ANXA8: variants seen among roughly 807,000 people sequenced by gnomAD.
ANXA8 encodes annexin A8.
A neutral mutation model predicts 26.8 loss-of-function variants in ANXA8; 9 were observed. The ratio of observed to expected loss-of-function variants is 0.34; its 90% CI spans 0.20 to 0.59. ANXA8 has a LOEUF of 0.59. ANXA8 is among the 20% of genes least tolerant of loss of function. The pLI is 0.84. For missense variants in ANXA8, 83 were observed against 238.5 expected, an observed-to-expected ratio of 0.35 and a Z score of 4.29; for synonymous variants, 39 against 94.8, an observed-to-expected ratio of 0.41 and a Z score of 3.42.
chr10:47,920,627 G>A, the ANXA8 span: 5 of 126,774 alleles, frequency 3.9e-5, no homozygotes, highest in Non-Finnish European at 6.7e-5. Flanking sequence ...ATATGGCCAT[G>A]ATATGAGACT....
chr10:47,521,264 T>G, the ANXA8 span, among the ~76,000 whole-genome samples: 120 of 136,676 alleles, frequency 8.8e-4, 9 homozygotes, highest in African/African-American at 3.0e-3. Flanking sequence ...TACTAACTGG[T>G]GTGTAACATC....
the ANXA8 span, among the ~76,000 whole-genome samples, chr10:47,745,040 TGGGCGG>T: frequency 3.3e-5 from 5 of 151,806 alleles, no homozygotes; most frequent in African/African-American, 1.2e-4. Context: ...CTCCAGGCAT[TGGGCGG>T]GTAGCAGTGT....
chr10:47,737,079 A>G, the ANXA8 span, among the ~76,000 whole-genome samples: 3 of 147,472 alleles, frequency 2.0e-5, no homozygotes, highest in Non-Finnish European at 4.5e-5. Context: ...CTTTTATTAA[A>G]TTAGTATGTT....
At chr10:47,559,531 G>A in the ANXA8 span, among the ~76,000 whole-genome samples, 2 of 151,862 alleles carry the variant, frequency 1.3e-5, no homozygotes, top group Non-Finnish European at 2.9e-5. Context: ...AGAGAAGGAA[G>A]AGTAACTGGC....
the ANXA8 span, among the ~76,000 whole-genome samples, chr10:47,652,328 T>C: frequency 1.4e-4 from 21 of 151,850 alleles, no homozygotes; most frequent in African/African-American, 4.4e-4. Flanking sequence ...CCGAGTGCAG[T>C]GGCTGAAGCC....
At chr10:47,617,726 A>G in the ANXA8 span, among the ~76,000 whole-genome samples, 1 of 148,794 alleles carries the variant, frequency 6.7e-6, no homozygotes, top group Non-Finnish European at 1.5e-5. Flanking sequence ...TTATAAAATT[A>G]ATAACTTTGC....
chr10:47,929,254 G>A, the ANXA8 span, among the ~76,000 whole-genome samples: 3 of 78,578 alleles, frequency 3.8e-5, no homozygotes, highest in African/African-American at 1.8e-4. Context: ...ATGGTCGTCA[G>A]CTGTATTGGG....
the ANXA8 span, among the ~76,000 whole-genome samples, chr10:47,656,586 ACC>A: frequency 7.3e-6 from 1 of 137,828 alleles, no homozygotes; most frequent in Admixed American, 7.7e-5. Flanking sequence ...TTCACAATGA[ACC>A]TCAACTTAGA....
At chr10:47,952,028 T>C in the ANXA8 span, among the ~76,000 whole-genome samples, 1 of 150,468 alleles carries the variant, frequency 6.6e-6, no homozygotes, top group Non-Finnish European at 1.5e-5. Flanking sequence ...ATAGATGTTA[T>C]AAAAGCATTT....
chr10:47,585,530 A>G, the ANXA8 span, among the ~76,000 whole-genome samples: 1 of 143,552 alleles, frequency 7.0e-6, no homozygotes, highest in Admixed American at 6.9e-5. Flanking sequence ...CCATACCTGC[A>G]GGTCTGATTT....
At chr10:47,502,777 C>T in the ANXA8 span, 1 of 1,571,336 alleles carries the variant, frequency 6.4e-7, no homozygotes. Context: ...GCTTTTACTG[C>T]TCTTGCATGA....
the ANXA8 span, among the ~76,000 whole-genome samples, chr10:47,951,186 AC>A: frequency 6.7e-6 from 1 of 149,964 alleles, no homozygotes; most frequent in Non-Finnish European, 1.5e-5. Flanking sequence ...AAATTTGACA[AC>A]CCAGAGGAAA....
chr10:47,574,012 G>A, the ANXA8 span, among the ~76,000 whole-genome samples: 4 of 130,682 alleles, frequency 3.1e-5, no homozygotes, highest in Middle Eastern at 4.1e-3. Context: ...TGATTCCGTC[G>A]ACTAAAAAGT....
the ANXA8 span, among the ~76,000 whole-genome samples, chr10:47,732,983 T>G: frequency 6.7e-6 from 1 of 149,032 alleles, no homozygotes; most frequent in African/African-American, 2.5e-5. Flanking sequence ...GTAGGATGGG[T>G]TTGTTAGTCA....
rs3006274 is a variant in ANXA8, at chr10:47,483,202, C to T, written c.21+711G>A. On this transcript the variant is annotated intron_variant, in intron 1 of 11. Coordinates refer to ENST00000585281, the MANE Select transcript of ANXA8 (RefSeq NM_001040084.3). ...CGGGTTCCTCCAGGCTCTAGCAGGCCAGGTCCTCCTGCTTCCCCTCTTCCC... is the reference window on the plus strand; with the variant it reads ...CGGGTTCCTCCAGGCTCTAGCAGGCTAGGTCCTCCTGCTTCCCCTCTTCCC... Among the ~76,000 whole-genome samples the T allele has an allele frequency of 5.3e-5, 8 of 150,946 alleles. No individual in the cohort carries two copies. In the South Asian group the frequency reaches 6.3e-4, roughly 12 times the overall value.
At chr10:47,563,815 C>T in the ANXA8 span, 1 of 642,570 alleles carries the variant, frequency 1.6e-6, no homozygotes, top group Non-Finnish European at 2.8e-6. Flanking sequence ...CTCTTTAAGA[C>T]CTGCATCATT....
the ANXA8 span, among the ~76,000 whole-genome samples, chr10:47,592,310 T>C: frequency 6.6e-6 from 1 of 151,682 alleles, no homozygotes; most frequent in East Asian, 1.9e-4. Flanking sequence ...TGTTGTGCTG[T>C]GCAGCTGCAG....
chr10:47,617,798 G>A, the ANXA8 span, among the ~76,000 whole-genome samples: 5 of 144,898 alleles, frequency 3.5e-5, no homozygotes, highest in Admixed American at 3.4e-4. Context: ...TTTTGATACA[G>A]TGAAATTATC....
At chr10:47,597,423 C>T in the ANXA8 span, among the ~76,000 whole-genome samples, 2 of 147,198 alleles carry the variant, frequency 1.4e-5, no homozygotes. Context: ...CAGACAAAAG[C>T]AAGAAACAAA....
Sources: allele counts gnomAD v4.1 joint callset (sites outside exome capture counted in the v4.1 genomes callset), GRCh38; gene constraint gnomAD v4.1.1; transcripts MANE v1.5; gene names NCBI Gene and HGNC (gene_info 2026-07-23, HGNC 2026-07-21).